Variants in RRAGD observed in about 807,000 individuals in gnomAD.
RRAGD encodes the protein Ras related GTP binding D, also known as ras-related GTP-binding protein D.
In RRAGD, 12 loss-of-function variants were observed where a neutral mutation model predicts 35.5. The observed-to-expected ratio is 0.34, with a 90% CI of 0.22 to 0.55. The LOEUF is 0.55. Among genes scored for constraint, RRAGD ranks in the 20% least tolerant of loss-of-function variants. The pLI, the probability that RRAGD is intolerant of heterozygous loss-of-function variation, is 0.91. For missense variants in RRAGD, 324 were observed against 490.1 expected (o/e 0.66, Z 3.20); for synonymous variants, 155 against 178.9 (o/e 0.87, Z 1.07).
chr6:89,401,605 C>G (rs1333331674), intron 1 of RRAGD, among the ~76,000 whole-genome samples: 1 of 151,584 alleles, frequency 6.6e-6, no homozygotes, highest in East Asian at 1.9e-4. Flanking sequence ...CCCCCTCACC[C>G]ATGCCTGTTT....
At chr6:89,407,163 C>T (rs1485534950) in intron 1 of RRAGD, among the ~76,000 whole-genome samples, 1 of 152,122 alleles carries the variant, frequency 6.6e-6, no homozygotes, top group Non-Finnish European at 1.5e-5. Context: ...AGGAGAAGGT[C>T]GACCAGCAAG....
At chr6:89,392,331 T>C (rs1401840503) in intron 1 of RRAGD, among the ~76,000 whole-genome samples, 1 of 151,968 alleles carries the variant, frequency 6.6e-6, no homozygotes, top group Non-Finnish European at 1.5e-5. Context: ...TTCTTTTTAA[T>C]TGGCTGGGCA....
rs763048196 is a variant in RRAGD at position 89,368,158 on chromosome 6, A to G, written c.1101T>C (p.Val367=). 1 of 1,613,990 alleles carries G rather than the reference A, an allele frequency of 6.2e-7. No individual in the cohort carries two copies. ...FHCFRKAIHE[V]FEVRMKVVKS... ...TTACTACTTTCATTCTCACCTCAAA[A>G]ACTTCATGAATGGCCTTCCGGAAGC... Residue 367 remains valine (V), a synonymous_variant, in exon 7 of 7, where the codon GTT becomes GTC. Coordinates refer to ENST00000369415, the MANE Select transcript of RRAGD (RefSeq NM_021244.5).
rs1263515261 is a variant in RRAGD at position 89,366,191 on chromosome 6, G to C, written c.*1865C>G. The C allele has an allele frequency of 1.3e-5, 2 of 152,392 alleles. No individual in the cohort carries two copies. Among genetic ancestry groups the C allele is most frequent in the Non-Finnish European group, 2.9e-5 (2 of 68,264 alleles). The allele number at this position is 152,392 out of a possible 1,614,324, so 9.4% of individuals were successfully genotyped here. A position where few individuals can be genotyped will look rare whatever the true frequency, so the allele number is the denominator to read the frequency against. On this transcript the variant is annotated 3_prime_UTR_variant, in exon 7 of 7. Coordinates refer to ENST00000369415, the MANE Select transcript of RRAGD (RefSeq NM_021244.5). Reference sequence around the variant, plus strand: ...ACCAGCTTCAAAGAAACAGGACTTGGGGAGAGGAAGGAGAGAGGTTGGAAA... The same window carrying C: ...ACCAGCTTCAAAGAAACAGGACTTGCGGAGAGGAAGGAGAGAGGTTGGAAA...
At chr6:89,406,528 G>A (rs901978314) in intron 1 of RRAGD, among the ~76,000 whole-genome samples, 1 of 151,986 alleles carries the variant, frequency 6.6e-6, no homozygotes. Flanking sequence ...AGAGGACGTT[G>A]GGAGCACACC....
In RRAGD at chr6:89,412,064, G is replaced by T; in HGVS notation, c.-71C>A. On this transcript the variant is annotated 5_prime_UTR_variant, in exon 1 of 7. Coordinates refer to ENST00000369415, the MANE Select transcript of RRAGD (RefSeq NM_021244.5). The surrounding 1 kb of genome is among the most constrained non-coding windows in gnomAD (Gnocchi z 4.2). Reference sequence around the variant, plus strand: ...TGGGGGCCAAGCCTCCTAGCCGGCCGCCCGCAGCCTATTTCTGAAGCGGAG... The same window carrying T: ...TGGGGGCCAAGCCTCCTAGCCGGCCTCCCGCAGCCTATTTCTGAAGCGGAG... The T allele has an allele frequency of 4.9e-6, 7 of 1,416,068 alleles. No individual in the cohort carries two copies. The South Asian group carries it at 9.7e-5, about 20-fold the overall frequency. The allele number at this position is 1,416,068 out of a possible 1,614,324, so 87.7% of individuals were successfully genotyped here.
chr6:89,397,560 C>T (rs983934959), intron 1 of RRAGD, among the ~76,000 whole-genome samples: 12 of 151,000 alleles, frequency 7.9e-5, no homozygotes, highest in African/African-American at 1.5e-4. Context: ...GCCGAGATCG[C>T]GCCACTGCAC....
chr6:89,404,202 A>G (rs1463527315), intron 1 of RRAGD, among the ~76,000 whole-genome samples: 1 of 152,248 alleles, frequency 6.6e-6, no homozygotes, highest in Non-Finnish European at 1.5e-5. Flanking sequence ...CAAAGTATAG[A>G]AAAATACAAA....
At chr6:89,373,639 T>C (rs529969286) in intron 5 of RRAGD, among the ~76,000 whole-genome samples, 16 of 150,256 alleles carry the variant, frequency 1.1e-4, no homozygotes, top group African/African-American at 3.7e-4. Context: ...AAAAAAAAGA[T>C]ATATAGGTCT....
chr6:89,398,299 G>A (rs373114095), intron 1 of RRAGD, among the ~76,000 whole-genome samples: 14 of 152,158 alleles, frequency 9.2e-5, no homozygotes, highest in African/African-American at 3.1e-4. Context: ...ATGTGAAAAC[G>A]TATCAAATAT....
At chr6:89,372,964 A>T (rs77959908) in intron 5 of RRAGD, among the ~76,000 whole-genome samples, 105 of 152,360 alleles carry the variant, frequency 6.9e-4, no homozygotes, top group African/African-American at 2.5e-3. Context: ...ATATGTTCCA[A>T]ATTCAAGGAG....
Position 89,411,912 on chromosome 6 carries a change from GC to G in RRAGD, c.81del (p.Leu28Ter). On this transcript the variant is annotated frameshift_variant, in exon 1 of 7. Transcript: ENST00000369415. LOFTEE classifies it high-confidence loss of function. The surrounding 1 kb of genome is among the most constrained non-coding windows in gnomAD (Gnocchi z 5.6). ...TCGGGCCCGTCTCCGTAGTCCGCTA[GC>G]CCCACCAGCTCATCCTCCTCCTCCT... ...EEEEEEDELV[G>X]LADYGDGPDS... 1 of 1,545,542 alleles carries G rather than the reference GC, an allele frequency of 6.5e-7. No individual in the cohort carries two copies. Among genetic ancestry groups the G allele is most frequent in the Non-Finnish European group, 8.7e-7 (1 of 1,147,884 alleles).
chr6:89,403,262 G>A (rs1201813437), intron 1 of RRAGD, among the ~76,000 whole-genome samples: 2 of 152,126 alleles, frequency 1.3e-5, no homozygotes, highest in African/African-American at 2.4e-5. Flanking sequence ...TGGCTAACAC[G>A]GTGAAACCCC....
At chr6:89,385,380 C>T (rs985476433) in intron 2 of RRAGD, among the ~76,000 whole-genome samples, 2 of 152,162 alleles carry the variant, frequency 1.3e-5, no homozygotes, top group Non-Finnish European at 2.9e-5. Flanking sequence ...ACTACAGAAA[C>T]AGCTGCTGCG....
chr6:89,368,201 A>G lies in RRAGD; in HGVS notation c.1058T>C (p.Ile353Thr). 6.2e-7 allele frequency: 1 copy of G among 1,612,236 alleles called. No individual in the cohort carries two copies. Among genetic ancestry groups the G allele is most frequent in the Non-Finnish European group, 8.5e-7 (1 of 1,179,476 alleles). ...CCGGAAGCAATGAAAATTATAGTCA[A>G]TTAGCCCTGGAGAAGAGAACAAAAA... ...REESFERKGL[I>T]DYNFHCFRKA... Residue 353 changes from isoleucine (I) to threonine (T), a missense_variant, in exon 7 of 7, where the codon ATT (isoleucine) becomes ACT (threonine). By Grantham distance (89) the Ile-to-Thr change is moderately conservative. Transcript: ENST00000369415.
intron 1 of RRAGD, among the ~76,000 whole-genome samples, chr6:89,409,201 A>C (rs1293715375): frequency 6.6e-6 from 1 of 152,236 alleles, no homozygotes; most frequent in East Asian, 1.9e-4. Context: ...AGACTGAGGG[A>C]AATGAAAATT....
intron 2 of RRAGD, among the ~76,000 whole-genome samples, chr6:89,381,335 G>A (rs1420069261): frequency 6.6e-6 from 1 of 152,048 alleles, no homozygotes; most frequent in African/African-American, 2.4e-5. Context: ...AAGTCCCCTG[G>A]TCTAGAGGAA....
At position 89,395,366 on chromosome 6, in the gene RRAGD, A is replaced by AAT. The variant is rs574489798; in HGVS notation, c.149-7778_149-7777dup. On this transcript the variant is annotated intron_variant, in intron 1 of 6. Transcript: ENST00000369415. ...CCAGGGGTTTGAGAACAGCCTGGGTAATAGCAAGACCCCAACTCTAAAACA... is the reference window on the plus strand; with the variant it reads ...CCAGGGGTTTGAGAACAGCCTGGGTAATATAGCAAGACCCCAACTCTAAAACA... 1.0e-3 allele frequency among the ~76,000 whole-genome samples: 154 copies of AAT among 152,350 alleles called. 2 individuals are homozygous for AAT. Among genetic ancestry groups the AAT allele is most frequent in the African/African-American group, 3.6e-3 (151 of 41,590 alleles).
rs1185795780 is a variant in RRAGD at position 89,399,052 on chromosome 6, T to G, written c.149-11462A>C. ...AAATTATGTACAAGTGCAAAAATATTCATGTGTTTATAAATGCCTTTCTTC... is the reference window on the plus strand; with the variant it reads ...AAATTATGTACAAGTGCAAAAATATGCATGTGTTTATAAATGCCTTTCTTC... On this transcript the variant is annotated intron_variant, in intron 1 of 6. Coordinates refer to ENST00000369415, the MANE Select transcript of RRAGD (RefSeq NM_021244.5). Among the ~76,000 whole-genome samples the G allele has an allele frequency of 2.6e-5, 4 of 152,202 alleles. No homozygotes were observed. In the East Asian group the frequency reaches 5.8e-4, roughly 22 times the overall value.
Sources: gnomAD v4.1 joint callset for allele counts (sites outside exome capture counted in the v4.1 genomes callset) on GRCh38, gnomAD v4.1.1 for gene constraint, Gnocchi (gnomAD v3.1) non-coding constraint, MANE v1.5 for transcripts, NCBI Gene and HGNC (gene_info 2026-07-23, HGNC 2026-07-21) for gene names.